WWOX: variants seen among roughly 807,000 people sequenced by gnomAD.
WWOX encodes WW domain containing oxidoreductase.
A neutral mutation model predicts 46.2 loss-of-function variants in WWOX; 69 were observed. That is an observed-to-expected ratio of 1.49 (90% CI 1.23 to 1.82). The LOEUF is 1.82. WWOX is among the 40% of genes most tolerant of loss of function. The probability of loss-of-function intolerance (pLI) is 0.00; values close to 1 mark genes in which losing one functional copy is unlikely to be tolerated. For synonymous variants in WWOX, 359 were observed against 202.6 expected (o/e 1.77, Z -6.56); for missense variants, 919 against 542.6 (o/e 1.69, Z -6.89).
At chr16:78,354,630 C>G (rs866347324) in intron 5 of WWOX, among the ~76,000 whole-genome samples, 1 of 151,888 alleles carries the variant, frequency 6.6e-6, no homozygotes, top group Admixed American at 6.6e-5. Flanking sequence ...TTTCTGAATT[C>G]CTTATTATAT....
intron 8 of WWOX, among the ~76,000 whole-genome samples, chr16:78,924,824 T>A (rs1053554977): frequency 6.6e-6 from 1 of 152,204 alleles, no homozygotes; most frequent in African/African-American, 2.4e-5. Context: ...ATTGTTGGTG[T>A]CAACATATGT....
intron 8 of WWOX, among the ~76,000 whole-genome samples, chr16:78,849,977 C>T (rs577045112): frequency 6.6e-6 from 1 of 152,060 alleles, no homozygotes; most frequent in Admixed American, 6.6e-5. Context: ...GAGGCTGAGG[C>T]AGGAGAATAG....
intron 8 of WWOX, among the ~76,000 whole-genome samples, chr16:78,480,609 A>G (rs1002203920): frequency 6.6e-6 from 1 of 152,198 alleles, no homozygotes; most frequent in Admixed American, 6.5e-5. Flanking sequence ...CAATGTAAGC[A>G]TATTGGCTCT....
At position 78,926,284 on chromosome 16, in the gene WWOX, G is replaced by A. The variant is rs529135454; in HGVS notation, c.1057-285324G>A. Among the ~76,000 whole-genome samples, 4 of 151,974 alleles carry A rather than the reference G, an allele frequency of 2.6e-5. No individual in the cohort carries two copies. The South Asian group carries it at 8.3e-4, about 32-fold the overall frequency. ...GCTACCTGGGAGGCTAAAGTGGGAG[G>A]ATATCCTGAGCCCAGGAGGTGGAGA... On this transcript the variant is annotated intron_variant, in intron 8 of 8. Transcript: ENST00000566780.
intron 8 of WWOX, among the ~76,000 whole-genome samples, chr16:78,459,834 G>A (rs1268212187): frequency 1.4e-5 from 2 of 148,052 alleles, no homozygotes; most frequent in South Asian, 2.1e-4. Context: ...CAGGGTCTTA[G>A]TCTGTCACCC....
chr16:78,569,971 G>T (rs934621450), intron 8 of WWOX, among the ~76,000 whole-genome samples: 4 of 152,182 alleles, frequency 2.6e-5, no homozygotes, highest in Non-Finnish European at 5.9e-5. Context: ...ATAAGAGATG[G>T]TTTCCATCCT....
At chr16:78,374,964 G>T (rs1244398427) in intron 5 of WWOX, among the ~76,000 whole-genome samples, 1 of 152,164 alleles carries the variant, frequency 6.6e-6, no homozygotes, top group African/African-American at 2.4e-5. Context: ...GGGATAACAG[G>T]CGTGAGCCAC....
At chr16:78,612,531 C>G (rs539562447) in intron 8 of WWOX, among the ~76,000 whole-genome samples, 1 of 152,338 alleles carries the variant, frequency 6.6e-6, no homozygotes, top group South Asian at 2.1e-4. Flanking sequence ...GGCCATAGTG[C>G]AGTGTACAAT....
intron 8 of WWOX, among the ~76,000 whole-genome samples, chr16:78,652,242 C>A (rs979965844): frequency 3.3e-5 from 5 of 151,414 alleles, no homozygotes; most frequent in African/African-American, 1.2e-4. Flanking sequence ...AAACCTGTCA[C>A]TACTAAAAAT....
At chr16:78,113,325 C>T (rs372827314) in intron 3 of WWOX, among the ~76,000 whole-genome samples, 1 of 152,198 alleles carries the variant, frequency 6.6e-6, no homozygotes, top group Non-Finnish European at 1.5e-5. Context: ...TCTCCTTTGC[C>T]TGTAAAGGGC....
intron 8 of WWOX, among the ~76,000 whole-genome samples, chr16:78,976,408 G>A (rs1391861729): frequency 6.6e-5 from 10 of 152,180 alleles, no homozygotes; most frequent in Admixed American, 3.9e-4. Context: ...TCTCAGATTC[G>A]GAGCATGTGA....
intron 8 of WWOX, among the ~76,000 whole-genome samples, chr16:78,727,178 C>G (rs1567518739): frequency 6.6e-6 from 1 of 152,192 alleles, no homozygotes; most frequent in Non-Finnish European, 1.5e-5. Flanking sequence ...GTGGGCAGAT[C>G]ACTTGAGGTC....
intron 8 of WWOX, among the ~76,000 whole-genome samples, chr16:78,936,808 G>A (rs1220931951): frequency 6.6e-6 from 1 of 152,230 alleles, no homozygotes; most frequent in East Asian, 1.9e-4. Flanking sequence ...TCTAGAGTAT[G>A]GTTTTAATCC....
chr16:78,723,305 T>C (rs925775970), intron 8 of WWOX, among the ~76,000 whole-genome samples: 6 of 152,198 alleles, frequency 3.9e-5, no homozygotes, highest in African/African-American at 1.4e-4. Context: ...TCATGAAGCA[T>C]GGTCTCTTGC....
At chr16:78,966,242 T>C (rs1019245097) in intron 8 of WWOX, among the ~76,000 whole-genome samples, 16 of 152,220 alleles carry the variant, frequency 1.1e-4, no homozygotes, top group African/African-American at 3.4e-4. Context: ...TTTAAGAGGC[T>C]ATAGGTTAAG....
At chr16:78,171,971 G>T (rs2035176986) in intron 5 of WWOX, among the ~76,000 whole-genome samples, 2 of 152,152 alleles carry the variant, frequency 1.3e-5, no homozygotes, top group Non-Finnish European at 2.9e-5. Flanking sequence ...TAACAGTAAA[G>T]TATTTATATT....
At chr16:78,714,570 A>G (rs2048519676) in intron 8 of WWOX, among the ~76,000 whole-genome samples, 1 of 152,062 alleles carries the variant, frequency 6.6e-6, no homozygotes, top group African/African-American at 2.4e-5. Flanking sequence ...TATATTCAAG[A>G]CACTATTCTA....
chr16:78,951,351 G>C (rs2046055861), intron 8 of WWOX, among the ~76,000 whole-genome samples: 1 of 151,812 alleles, frequency 6.6e-6, no homozygotes, highest in African/African-American at 2.4e-5. Context: ...CTTCAAGCAA[G>C]AGTCCCACGG....
At chr16:78,566,145 G>T (rs905316112) in intron 8 of WWOX, among the ~76,000 whole-genome samples, 6 of 151,972 alleles carry the variant, frequency 3.9e-5, no homozygotes, top group African/African-American at 1.5e-4. Context: ...GAGAGGAAGG[G>T]GTCTGGAACC....
Sources: gnomAD v4.1 joint callset for allele counts (sites outside exome capture counted in the v4.1 genomes callset) on GRCh38, gnomAD v4.1.1 for gene constraint, MANE v1.5 for transcripts, NCBI Gene and HGNC (gene_info 2026-07-23, HGNC 2026-07-21) for gene names.